Variants in TNFAIP8L3 observed in about 807,000 individuals in gnomAD.
The protein encoded by TNFAIP8L3 is tumor necrosis factor alpha-induced protein 8-like protein 3.
A neutral mutation model predicts 11.8 loss-of-function variants in TNFAIP8L3; 7 were observed. The ratio of observed to expected loss-of-function variants is 0.59; its 90% CI spans 0.34 to 1.11. TNFAIP8L3 has a LOEUF of 1.11. TNFAIP8L3 is among the 50% of genes most tolerant of loss of function. The probability of loss-of-function intolerance (pLI) is 0.03; values close to 1 mark genes in which losing one functional copy is unlikely to be tolerated. For synonymous variants in TNFAIP8L3, 98 were observed against 103.8 expected (o/e 0.94, Z 0.34); for missense variants, 219 against 258.6 (o/e 0.85, Z 1.05).
chr15:51,082,294 T>C lies in TNFAIP8L3; in HGVS notation c.52+12250A>G, dbSNP rs980928599. 1.1e-4 allele frequency among the ~76,000 whole-genome samples: 16 copies of C among 152,210 alleles called. 1 individual carries two copies. Among genetic ancestry groups the C allele is most frequent in the Admixed American group, 9.2e-4 (14 of 15,274 alleles). ...CCGTATGTTACTGTACTGAATACTG[T>C]AGGCACCTGTAACACAATGGTATTT... On this transcript the variant is annotated intron_variant, in intron 1 of 1. Transcript: ENST00000637513.
At chr15:51,077,561 G>C (rs1334725111) in intron 1 of TNFAIP8L3, among the ~76,000 whole-genome samples, 1 of 152,176 alleles carries the variant, frequency 6.6e-6, no homozygotes, top group Non-Finnish European at 1.5e-5. Flanking sequence ...AGTTCCGAGA[G>C]GGGAGACCTT....
chr15:51,075,144 G>C (rs368601290), intron 1 of TNFAIP8L3, among the ~76,000 whole-genome samples: 2 of 152,302 alleles, frequency 1.3e-5, no homozygotes, highest in East Asian at 1.9e-4. Flanking sequence ...CATCAGTTCA[G>C]GACCCACACC....
intron 1 of TNFAIP8L3, among the ~76,000 whole-genome samples, chr15:51,074,139 T>G (rs963240683): frequency 6.6e-6 from 1 of 152,230 alleles, no homozygotes; most frequent in African/African-American, 2.4e-5. Flanking sequence ...CTTTGTCAAA[T>G]TTTGATGTCA....
intron 1 of TNFAIP8L3, among the ~76,000 whole-genome samples, chr15:51,083,407 A>C (rs1034804646): frequency 2.0e-5 from 3 of 152,182 alleles, no homozygotes; most frequent in African/African-American, 7.2e-5. Context: ...AGTAATAAAA[A>C]CACAAAATTA....
intron 1 of TNFAIP8L3, among the ~76,000 whole-genome samples, chr15:51,087,903 T>A (rs1465174909): frequency 3.6e-5 from 3 of 84,286 alleles, no homozygotes; most frequent in African/African-American, 1.4e-4. Context: ...TAAAATAAAA[T>A]TTTTCTAGCA....
chr15:51,085,348 T>TA (rs1004050810), intron 1 of TNFAIP8L3, among the ~76,000 whole-genome samples: 9 of 151,624 alleles, frequency 5.9e-5, no homozygotes, highest in South Asian at 4.2e-4. Flanking sequence ...TCTCAAGTAT[T>TA]AAAAAAAAAT....
chr15:51,085,682 C>T (rs1165960534), intron 1 of TNFAIP8L3, among the ~76,000 whole-genome samples: 1 of 151,516 alleles, frequency 6.6e-6, no homozygotes, highest in Non-Finnish European at 1.5e-5. Context: ...TGGGATCTGG[C>T]CTCCAGTTCT....
At chr15:51,103,141 G>A (rs28668174) in intron 1 of TNFAIP8L3, among the ~76,000 whole-genome samples, 6,088 of 152,082 alleles carry the variant, frequency 0.04, 129 homozygotes, top group African/African-American at 0.05. Context: ...GTCCTTAAAC[G>A]GATCCCTCCC....
At chr15:51,071,280 C>T (rs977095525) in intron 1 of TNFAIP8L3, among the ~76,000 whole-genome samples, 3 of 151,960 alleles carry the variant, frequency 2.0e-5, no homozygotes, top group Non-Finnish European at 4.4e-5. Flanking sequence ...ATTTAACAAA[C>T]ACTGTGTGGT....
intron 1 of TNFAIP8L3, among the ~76,000 whole-genome samples, chr15:51,103,685 A>G (rs973341971): frequency 1.3e-5 from 2 of 152,222 alleles, no homozygotes; most frequent in Non-Finnish European, 2.9e-5. Flanking sequence ...GTGGTCTTCT[A>G]TCCTTCCAAA....
intron 1 of TNFAIP8L3, among the ~76,000 whole-genome samples, chr15:51,101,648 A>C (rs1386324560): frequency 2.6e-5 from 4 of 151,158 alleles, no homozygotes; most frequent in Admixed American, 6.6e-5. Flanking sequence ...GAAAGAAAGA[A>C]AGACAGAAAA....
intron 1 of TNFAIP8L3, among the ~76,000 whole-genome samples, chr15:51,091,585 G>C (rs1318744017): frequency 1.3e-5 from 2 of 152,032 alleles, no homozygotes; most frequent in Admixed American, 1.3e-4. Context: ...AGAAGCTGGT[G>C]AAAGCAGCAG....
rs1228475191 is a variant in TNFAIP8L3 at position 51,058,255 on chromosome 15, A to T, written c.241T>A (p.Leu81Ile). The change falls in exon 2 of 2, where the codon TTA becomes ATA. Residue 81 changes from leucine to isoleucine, a missense_variant. Transcript: ENST00000637513. ...KKEAHKIMKD[L>I]IKVAIKIGIL... ...CCGATTTTGATCGCCACCTTGATTAAGTCTTTCATGATCTTGTGGGCTTCC... is the reference window on the plus strand; with the variant it reads ...CCGATTTTGATCGCCACCTTGATTATGTCTTTCATGATCTTGTGGGCTTCC... 1.2e-6 allele frequency: 2 copies of T among 1,614,076 alleles called. No individual in the cohort carries two copies. Among genetic ancestry groups the T allele is most frequent in the African/African-American group, 2.7e-5 (2 of 74,926 alleles).
At chr15:51,074,787 G>A (rs150939631) in intron 1 of TNFAIP8L3, among the ~76,000 whole-genome samples, 1 of 152,202 alleles carries the variant, frequency 6.6e-6, no homozygotes, top group African/African-American at 2.4e-5. Context: ...GTGGACCCTC[G>A]CCCAGGTGGA....
At chr15:51,065,582 A>G (rs1364586411) in intron 1 of TNFAIP8L3, among the ~76,000 whole-genome samples, 2 of 152,218 alleles carry the variant, frequency 1.3e-5, no homozygotes, top group African/African-American at 4.8e-5. Flanking sequence ...TGATGGTTAT[A>G]AAACATGACA....
In TNFAIP8L3 at chr15:51,094,449, G is replaced by C. The variant is rs2065495825; in HGVS notation, c.52+95C>G. Reference sequence around the variant, plus strand: ...CCCCAGTCTTGGCCTGGAAGGGGTCGGGCTGCTGAGGATCGGCTTCCCGAT... The same window carrying C: ...CCCCAGTCTTGGCCTGGAAGGGGTCCGGCTGCTGAGGATCGGCTTCCCGAT... On this transcript the variant is annotated intron_variant, in intron 1 of 1. Coordinates refer to ENST00000637513, the MANE Select transcript of TNFAIP8L3 (RefSeq NM_001311175.2). This position sits in a 1 kb window ranked among gnomAD's most constrained non-coding sequence, Gnocchi z 4.4. The C allele has an allele frequency of 1.5e-6, 2 of 1,292,864 alleles. No individual in the cohort carries two copies. The highest frequency in any genetic ancestry group is 9.9e-7 in the Non-Finnish European group (1 of 1,006,508). The allele number at this position is 1,292,864 out of a possible 1,614,324, so 80.1% of individuals were successfully genotyped here.
upstream of TNFAIP8L3, among the ~76,000 whole-genome samples, chr15:51,098,694 T>C (rs1020312039): frequency 6.6e-6 from 1 of 152,270 alleles, no homozygotes; most frequent in Non-Finnish European, 1.5e-5. Flanking sequence ...AATTAATTCG[T>C]AATTTTACTA....
intron 1 of TNFAIP8L3, among the ~76,000 whole-genome samples, chr15:51,067,794 A>C (rs1314437202): frequency 6.6e-6 from 1 of 152,240 alleles, no homozygotes; most frequent in African/African-American, 2.4e-5. Context: ...GCCTGAAAGA[A>C]ACAAAACCGA....
At chr15:51,083,838 G>C (rs1228479094) in intron 1 of TNFAIP8L3, among the ~76,000 whole-genome samples, 3 of 152,234 alleles carry the variant, frequency 2.0e-5, no homozygotes, top group South Asian at 4.1e-4. Flanking sequence ...CGGAGCCAGT[G>C]AGGGGGGCCA....
Sources: gnomAD v4.1 joint callset for allele counts (sites outside exome capture counted in the v4.1 genomes callset) on GRCh38, gnomAD v4.1.1 for gene constraint, Gnocchi (gnomAD v3.1) non-coding constraint, MANE v1.5 for transcripts, NCBI Gene and HGNC (gene_info 2026-07-23, HGNC 2026-07-21) for gene names.